Variants in APBB2 observed in about 807,000 individuals in gnomAD.
The protein encoded by APBB2 is amyloid beta precursor protein binding family B member 2.
APBB2 carries 38 observed loss-of-function variants against 82.5 expected under a neutral mutation model. The ratio of observed to expected loss-of-function variants is 0.46; its 90% CI spans 0.36 to 0.60. The LOEUF (loss-of-function observed/expected upper bound fraction) is 0.60, where lower values mean the gene tolerates loss of function less well. Ranked by LOEUF, APBB2 falls within the 20% of genes least tolerant of loss-of-function variation. The pLI is 0.00. For synonymous variants in APBB2, 341 were observed against 368.2 expected (o/e 0.93, Z 0.85); for missense variants, 772 against 972.3 (o/e 0.79, Z 2.74).
intron 6 of APBB2, among the ~76,000 whole-genome samples, chr4:40,958,608 C>T (rs1008720150): frequency 2.0e-5 from 3 of 152,056 alleles, no homozygotes; most frequent in Admixed American, 6.5e-5. Context: ...TATCTCTCTC[C>T]CTTTCTTCCT....
intron 4 of APBB2, among the ~76,000 whole-genome samples, chr4:41,041,064 T>C (rs980016478): frequency 2.6e-5 from 4 of 151,994 alleles, no homozygotes; most frequent in African/African-American, 4.8e-5. Context: ...GTATTTTTAG[T>C]AGAGACAGGG....
At chr4:41,076,608 A>G (rs1203715507) in intron 3 of APBB2, among the ~76,000 whole-genome samples, 13 of 152,216 alleles carry the variant, frequency 8.5e-5, no homozygotes, top group Non-Finnish European at 1.6e-4. Context: ...AAACTGGAAG[A>G]CAAGGTGACT....
intron 2 of APBB2, among the ~76,000 whole-genome samples, chr4:41,106,959 G>C (rs754931010): frequency 4.6e-5 from 7 of 152,050 alleles, no homozygotes; most frequent in Non-Finnish European, 8.8e-5. Context: ...AAGGACATAG[G>C]AGGAGAAGCT....
intron 12 of APBB2, among the ~76,000 whole-genome samples, chr4:40,855,368 T>C (rs1019496075): frequency 1.3e-5 from 2 of 152,222 alleles, no homozygotes; most frequent in East Asian, 1.9e-4. Flanking sequence ...ATTATCCCCA[T>C]TGCAGAAAAG....
Position 40,934,531 on chromosome 4 carries a change from A to G in APBB2, c.1194-15T>C. 1 of 1,614,112 alleles carries G rather than the reference A, an allele frequency of 6.2e-7. No individual in the cohort carries two copies. The highest frequency in any genetic ancestry group is 1.6e-4 in the Middle Eastern group (1 of 6,062). ...GTGGGGCATTTCTAGGCAGAAAAAC[A>G]GAAAAGTGGACTTAGAATTCTATTG... is the stretch of plus-strand genomic sequence containing the variant. On this transcript the variant is annotated splice_polypyrimidine_tract_variant and intron_variant, in intron 9 of 17. Coordinates refer to ENST00000508593, the MANE Select transcript of APBB2 (RefSeq NM_004307.2).
chr4:40,843,786 AGTATTACT>A (rs1756685673), intron 12 of APBB2, among the ~76,000 whole-genome samples: 1 of 152,240 alleles, frequency 6.6e-6, no homozygotes, highest in South Asian at 2.1e-4. Flanking sequence ...GGACAAGGTC[AGTATTACT>A]GTTCTGACAG....
chr4:41,022,711 CAT>C (rs1346575594), intron 5 of APBB2, among the ~76,000 whole-genome samples: 1 of 152,188 alleles, frequency 6.6e-6, no homozygotes, highest in Non-Finnish European at 1.5e-5. Flanking sequence ...AGTAGGCACT[CAT>C]AAATGTTTGG....
At chr4:40,864,853 CTTTTTTT>C (rs571511868) in intron 12 of APBB2, among the ~76,000 whole-genome samples, 1 of 125,256 alleles carries the variant, frequency 8.0e-6, no homozygotes, top group African/African-American at 3.0e-5. Flanking sequence ...ACGTTTGATT[CTTTTTTT>C]TTTTTTTTTT....
At chr4:40,995,677 C>T (rs1003691625) in intron 6 of APBB2, among the ~76,000 whole-genome samples, 2 of 151,920 alleles carry the variant, frequency 1.3e-5, no homozygotes, top group Non-Finnish European at 2.9e-5. Context: ...GTAGCTGACG[C>T]CAGCATGTGC....
At chr4:40,991,011 A>AT (rs796337000) in intron 6 of APBB2, among the ~76,000 whole-genome samples, 1,932 of 134,814 alleles carry the variant, frequency 0.014, 65 homozygotes, top group Admixed American at 0.062. Context: ...ACTGAGTTTC[A>AT]TTTTTTTTTT....
At chr4:41,103,317 C>G (rs1434772498) in intron 2 of APBB2, among the ~76,000 whole-genome samples, 3 of 152,132 alleles carry the variant, frequency 2.0e-5, no homozygotes, top group African/African-American at 7.2e-5. Flanking sequence ...GCAGACAAGA[C>G]AGCTTAACCA....
intron 12 of APBB2, among the ~76,000 whole-genome samples, chr4:40,849,173 G>A (rs1010986510): frequency 3.9e-5 from 6 of 152,146 alleles, no homozygotes; most frequent in Admixed American, 3.9e-4. Flanking sequence ...ATCACAGACA[G>A]CGCTTTTAAA....
intron 1 of APBB2, among the ~76,000 whole-genome samples, chr4:41,187,557 C>T (rs538611461): frequency 1.1e-4 from 16 of 152,270 alleles, no homozygotes; most frequent in East Asian, 1.9e-4. Flanking sequence ...TTACCCTGGA[C>T]GACTGTTCAG....
At chr4:40,974,273 G>T (rs188112152) in intron 6 of APBB2, among the ~76,000 whole-genome samples, 116 of 152,258 alleles carry the variant, frequency 7.6e-4, no homozygotes, top group Non-Finnish European at 1.3e-3. Flanking sequence ...ATAGGTACCA[G>T]AGGTTAGCTC....
At chr4:40,816,949 T>C (rs1418317577) in intron 17 of APBB2, among the ~76,000 whole-genome samples, 1 of 152,222 alleles carries the variant, frequency 6.6e-6, no homozygotes, top group Non-Finnish European at 1.5e-5. Context: ...GGATTAATTT[T>C]TAAAAATCCA....
intron 6 of APBB2, among the ~76,000 whole-genome samples, chr4:40,972,445 T>A (rs1214001033): frequency 3.4e-5 from 5 of 146,998 alleles, no homozygotes; most frequent in African/African-American, 1.0e-4. Flanking sequence ...AAAAAAATAA[T>A]AATAAATAAA....
At chr4:40,857,561 C>T (rs1761681601) in intron 12 of APBB2, among the ~76,000 whole-genome samples, 1 of 152,086 alleles carries the variant, frequency 6.6e-6, no homozygotes, top group Non-Finnish European at 1.5e-5. Context: ...ACCTCCGCTT[C>T]CCAGGTTCAA....
chr4:40,817,867 G>A (rs1030046249), intron 17 of APBB2, among the ~76,000 whole-genome samples: 1 of 152,136 alleles, frequency 6.6e-6, no homozygotes, highest in African/African-American at 2.4e-5. Flanking sequence ...CTCTGTGTAA[G>A]GTATTTTACT....
At chr4:40,827,952 G>A (rs553010550) in intron 13 of APBB2, among the ~76,000 whole-genome samples, 3 of 152,206 alleles carry the variant, frequency 2.0e-5, no homozygotes, top group East Asian at 1.9e-4. Context: ...TACTGTTCTC[G>A]TGGTGGTGAG....
Sources: allele counts gnomAD v4.1 joint callset (sites outside exome capture counted in the v4.1 genomes callset), GRCh38; gene constraint gnomAD v4.1.1; transcripts MANE v1.5; gene names NCBI Gene and HGNC (gene_info 2026-07-23, HGNC 2026-07-21).